GPR39: variants seen among roughly 807,000 people sequenced by gnomAD.
GPR39 encodes zinc sensing receptor.
GPR39 carries 23 observed loss-of-function variants against 18.4 expected under a neutral mutation model. That is an observed-to-expected ratio of 1.25 (90% CI 0.90 to 1.77). The LOEUF (loss-of-function observed/expected upper bound fraction) is 1.77. Ranked by LOEUF, GPR39 falls within the 40% of genes most tolerant of loss-of-function variation. The probability of loss-of-function intolerance (pLI) is 0.00; values close to 1 mark genes in which losing one functional copy is unlikely to be tolerated. For missense variants in GPR39, 647 were observed against 602.4 expected, an observed-to-expected ratio of 1.07 and a Z score of -0.78; for synonymous variants, 280 against 257.9, an observed-to-expected ratio of 1.09 and a Z score of -0.82.
intron 1 of GPR39, among the ~76,000 whole-genome samples, chr2:132,495,541 T>A (rs1681624953): frequency 6.6e-6 from 1 of 152,178 alleles, no homozygotes; most frequent in African/African-American, 2.4e-5. Flanking sequence ...CCCATTCAGA[T>A]CTGCTTTCTT....
At chr2:132,526,829 T>C (rs1471739281) in intron 1 of GPR39, among the ~76,000 whole-genome samples, 2 of 152,254 alleles carry the variant, frequency 1.3e-5, no homozygotes, top group Non-Finnish European at 2.9e-5. Context: ...ATTTGCACTT[T>C]AGCAAATGTA....
chr2:132,416,988 A>G lies in GPR39; in HGVS notation c.-55A>G. ...GCCAAGAATTTTGGACGCTGCTGGG[A>G]GGAGAAAGGGAAGTTGAGAAAGTCT... On this transcript the variant is annotated 5_prime_UTR_variant, in exon 1 of 2. Transcript: ENST00000329321. The G allele has an allele frequency of 6.3e-7, 1 of 1,581,094 alleles. No individual in the cohort carries two copies. Among genetic ancestry groups the G allele is most frequent in the Admixed American group, 1.7e-5 (1 of 58,122 alleles).
chr2:132,417,454 T>C lies in GPR39; in HGVS notation c.412T>C (p.Cys138Arg), dbSNP rs1217827525. The change falls in exon 1 of 2, where the codon TGT (cysteine) becomes CGT (arginine). Residue 138 changes from cysteine (C) to arginine (R), a missense_variant. Physicochemically the swap from Cys to Arg is radical, Grantham distance 180 (BLOSUM62 -3). This residue lies in a region of GPR39 where 581 missense variants were observed against 506.8 expected (regional missense o/e 1.15). Coordinates refer to ENST00000329321, the MANE Select transcript of GPR39 (RefSeq NM_001508.3). ...CAGCTTTGAGCGCTACATCGCCATC[T>C]GTCACCCCTTCAGGTACAAGGCTGT... Reference protein sequence around the residue: ...TLSFERYIAICHPFRYKAVSG... With the variant: ...TLSFERYIAIRHPFRYKAVSG... The C allele has an allele frequency of 2.5e-6, 4 of 1,614,188 alleles. No homozygotes were observed. The highest frequency in any genetic ancestry group is 3.4e-6 in the Non-Finnish European group (4 of 1,180,030).
At chr2:132,478,459 A>G (rs1385666290) in intron 1 of GPR39, among the ~76,000 whole-genome samples, 1 of 152,212 alleles carries the variant, frequency 6.6e-6, no homozygotes, top group Non-Finnish European at 1.5e-5. Flanking sequence ...TTTAAAATCT[A>G]CATCTAATTT....
intron 1 of GPR39, among the ~76,000 whole-genome samples, chr2:132,619,834 CACACACACACACACACACACACAG>C (rs1681403704): frequency 7.2e-6 from 1 of 139,168 alleles, no homozygotes; most frequent in East Asian, 2.0e-4. Context: ...GACACAGACA[CACACACACACACACACACACACAG>C]ACACACACAC....
intron 1 of GPR39, among the ~76,000 whole-genome samples, chr2:132,553,462 A>G (rs1002696885): frequency 1.3e-5 from 2 of 151,844 alleles, no homozygotes; most frequent in African/African-American, 4.8e-5. Flanking sequence ...ATGTATGCTG[A>G]AAGATTCAAA....
intron 1 of GPR39, among the ~76,000 whole-genome samples, chr2:132,597,770 A>G (rs1680971285): frequency 6.6e-6 from 1 of 152,242 alleles, no homozygotes; most frequent in African/African-American, 2.4e-5. Flanking sequence ...AGGCAATATG[A>G]AAATGATGAT....
intron 1 of GPR39, among the ~76,000 whole-genome samples, chr2:132,639,834 A>G (rs1280791223): frequency 1.3e-5 from 2 of 152,196 alleles, no homozygotes; most frequent in African/African-American, 2.4e-5. Flanking sequence ...TGCATAGGAA[A>G]GGTGTTGTAT....
At chr2:132,527,399 A>G (rs1679533737) in intron 1 of GPR39, among the ~76,000 whole-genome samples, 1 of 152,212 alleles carries the variant, frequency 6.6e-6, no homozygotes, top group Non-Finnish European at 1.5e-5. Flanking sequence ...TGCAGTAAAC[A>G]TATATGTGCA....
At chr2:132,423,204 T>C (rs1461473745) in intron 1 of GPR39, among the ~76,000 whole-genome samples, 1 of 151,950 alleles carries the variant, frequency 6.6e-6, no homozygotes, top group Non-Finnish European at 1.5e-5. Flanking sequence ...TACTGAGGAC[T>C]GGAGACATGA....
chr2:132,606,310 A>T (rs1235309253), intron 1 of GPR39: 1 of 152,248 alleles, frequency 6.6e-6, no homozygotes, highest in African/African-American at 2.4e-5. Flanking sequence ...TTTTAGACTT[A>T]TGGAGAGAGT....
intron 1 of GPR39, among the ~76,000 whole-genome samples, chr2:132,591,669 C>A (rs1680846877): frequency 6.6e-6 from 1 of 152,144 alleles, no homozygotes. Context: ...GCCAATGTGA[C>A]AATTTATGGT....
chr2:132,606,698 C>T lies in GPR39; in HGVS notation c.857-38403C>T, dbSNP rs78806488. 1.1e-4 allele frequency among the ~76,000 whole-genome samples: 16 copies of T among 152,196 alleles called. No individual in the cohort carries two copies. In the East Asian group the frequency reaches 1.4e-3, roughly 13 times the overall value. ...TATCCCAAGTTCTTGCCCAGCGTGCCGAAAAAATTAGATCACACGAGGGCT... is the reference window on the plus strand; with the variant it reads ...TATCCCAAGTTCTTGCCCAGCGTGCTGAAAAAATTAGATCACACGAGGGCT... On this transcript the variant is annotated intron_variant, in intron 1 of 1. Transcript: ENST00000329321.
chr2:132,605,655 G>C (rs527318185), intron 1 of GPR39, among the ~76,000 whole-genome samples: 24 of 152,220 alleles, frequency 1.6e-4, no homozygotes, highest in Middle Eastern at 3.4e-3. Flanking sequence ...ATCTCCTACC[G>C]AGCATTCCTG....
At chr2:132,449,320 TCACTGCAACC>T (rs1313197018) in intron 1 of GPR39, among the ~76,000 whole-genome samples, 4 of 152,300 alleles carry the variant, frequency 2.6e-5, no homozygotes, top group African/African-American at 9.6e-5. Context: ...CGATCTTGGC[TCACTGCAACC>T]TCCGCCTCAA....
chr2:132,525,390 C>T (rs983574978), intron 1 of GPR39, among the ~76,000 whole-genome samples: 7 of 152,246 alleles, frequency 4.6e-5, no homozygotes, highest in South Asian at 2.1e-4. Flanking sequence ...GATGATCATG[C>T]GAGGGATTTT....
chr2:132,611,628 G>GAAA (rs35004928), intron 1 of GPR39, among the ~76,000 whole-genome samples: 20 of 144,046 alleles, frequency 1.4e-4, no homozygotes, highest in Non-Finnish European at 1.5e-4. Flanking sequence ...TTGATTTGCA[G>GAAA]AAAAAAAAAA....
intron 1 of GPR39, among the ~76,000 whole-genome samples, chr2:132,449,228 C>CAT (rs1435310096): frequency 2.2e-3 from 137 of 62,734 alleles, no homozygotes; most frequent in African/African-American, 5.5e-3. Context: ...TCCTTTCCTT[C>CAT]GTGTTTTTTT....
At chr2:132,607,678 G>A (rs1033945230) in intron 1 of GPR39, among the ~76,000 whole-genome samples, 1 of 152,202 alleles carries the variant, frequency 6.6e-6, no homozygotes, top group African/African-American at 2.4e-5. Context: ...TGCTGGTCCT[G>A]TTGACTTATG....
Sources: gnomAD v4.1 joint callset for allele counts (sites outside exome capture counted in the v4.1 genomes callset) on GRCh38, gnomAD v4.1.1 for gene constraint, gnomAD v4.1.1 regional missense constraint, MANE v1.5 for transcripts, NCBI Gene and HGNC (gene_info 2026-07-23, HGNC 2026-07-21) for gene names.